DNAJB6: variants seen among roughly 807,000 people sequenced by gnomAD.
DNAJB6 encodes the protein dnaJ homolog subfamily B member 6.
In DNAJB6, 16 loss-of-function variants were observed where a neutral mutation model predicts 42.7. The observed-to-expected ratio is 0.37, with a 90% CI of 0.25 to 0.57. The LOEUF is 0.57. DNAJB6 is among the 20% of genes least tolerant of loss of function. DNAJB6 has a pLI of 0.74. For synonymous variants in DNAJB6, 170 were observed against 163.5 expected (o/e 1.04, Z -0.30); for missense variants, 347 against 416.8 (o/e 0.83, Z 1.46).
chr7:157,402,624 G>A (rs1320949735), intron 8 of DNAJB6, among the ~76,000 whole-genome samples: 1 of 152,260 alleles, frequency 6.6e-6, no homozygotes, highest in Non-Finnish European at 1.5e-5. Context: ...GGTCCCAGGG[G>A]AGGGCTGTGG....
intron 8 of DNAJB6, among the ~76,000 whole-genome samples, chr7:157,391,418 C>T (rs928624590): frequency 1.3e-5 from 2 of 152,230 alleles, no homozygotes; most frequent in African/African-American, 2.4e-5. Context: ...TCTTTTCAGC[C>T]GTATCTTTCC....
At chr7:157,341,461 T>C (rs1487813849) in intron 1 of DNAJB6, among the ~76,000 whole-genome samples, 1 of 152,166 alleles carries the variant, frequency 6.6e-6, no homozygotes, top group African/African-American at 2.4e-5. Flanking sequence ...CAAAATTACG[T>C]GTCTTTGGAA....
intron 6 of DNAJB6, among the ~76,000 whole-genome samples, chr7:157,383,027 A>T (rs1237493601): frequency 6.6e-6 from 1 of 152,186 alleles, no homozygotes; most frequent in Admixed American, 6.5e-5. Flanking sequence ...AAATTTAAAA[A>T]GAGTCTCACT....
At chr7:157,386,343 A>G (rs1201887206) in intron 8 of DNAJB6, 3 of 983,274 alleles carry the variant, frequency 3.1e-6, no homozygotes, top group East Asian at 1.1e-4. Flanking sequence ...GTGTCTGTGT[A>G]TGATTTGTGC....
At chr7:157,343,939 A>G (rs1798550597) in intron 1 of DNAJB6, among the ~76,000 whole-genome samples, 1 of 152,168 alleles carries the variant, frequency 6.6e-6, no homozygotes, top group Non-Finnish European at 1.5e-5. Context: ...GAGTTTTCCT[A>G]AGAAATATTT....
At chr7:157,405,766 G>A (rs994647894) in intron 8 of DNAJB6, among the ~76,000 whole-genome samples, 1 of 152,220 alleles carries the variant, frequency 6.6e-6, no homozygotes, top group African/African-American at 2.4e-5. Context: ...GCCTGGGAGG[G>A]ACCGGGAGGC....
At chr7:157,399,948 C>T (rs543308527) in intron 8 of DNAJB6, among the ~76,000 whole-genome samples, 14 of 152,132 alleles carry the variant, frequency 9.2e-5, no homozygotes, top group Non-Finnish European at 1.9e-4. Context: ...GGATGACAGA[C>T]GTGAGCCGCC....
intron 6 of DNAJB6, among the ~76,000 whole-genome samples, chr7:157,383,691 AC>A (rs768237866): frequency 3.3e-5 from 5 of 152,148 alleles, no homozygotes; most frequent in Admixed American, 6.5e-5. Context: ...ACAAAGTATC[AC>A]AAGAATAAAT....
In DNAJB6 at chr7:157,382,291, G is replaced by T. The variant is rs777224069; in HGVS notation, c.392G>T (p.Gly131Val). Residue 131 changes from glycine to valine, a missense_variant, in exon 6 of 10, where the codon GGA becomes GTA. By Grantham distance (109) the Gly-to-Val change is moderately radical. This residue lies in a region of DNAJB6 where 264 missense variants were observed against 288.0 expected (regional missense o/e 0.92). Transcript: ENST00000262177. ...TTTGGGAATCGAAGGGGTCCCCGAG[G>T]AAGCAGAAGCCGAGGGACGGGGTCG... ...DFFGNRRGPR[G>V]SRSRGTGSFF... The T allele has an allele frequency of 2.5e-6, 4 of 1,612,042 alleles. No homozygotes were observed. Among genetic ancestry groups the T allele is most frequent in the Non-Finnish European group, 3.4e-6 (4 of 1,179,580 alleles).
intron 9 of DNAJB6, among the ~76,000 whole-genome samples, chr7:157,415,726 A>G (rs1469844374): frequency 6.6e-6 from 1 of 151,370 alleles, no homozygotes; most frequent in African/African-American, 2.4e-5. Context: ...GCCGCTGGGC[A>G]GAACTGGGGT....
At chr7:157,345,547 G>T (rs938422762) in intron 1 of DNAJB6, among the ~76,000 whole-genome samples, 1 of 152,026 alleles carries the variant, frequency 6.6e-6, no homozygotes, top group Non-Finnish European at 1.5e-5. Context: ...AAGCTCTTGG[G>T]CTCAAGTGAT....
At chr7:157,415,111 T>G (rs940221864) in intron 9 of DNAJB6, 1 of 152,262 alleles carries the variant, frequency 6.6e-6, no homozygotes, top group African/African-American at 2.4e-5. Flanking sequence ...CCTGTGCGTG[T>G]GGGACCCAGG....
intron 5 of DNAJB6, among the ~76,000 whole-genome samples, chr7:157,371,234 A>G (rs1358124783): frequency 6.6e-6 from 1 of 152,250 alleles, no homozygotes; most frequent in Non-Finnish European, 1.5e-5. Flanking sequence ...AAGGTTGGGG[A>G]CCGCTGTTGA....
chr7:157,383,006 G>A (rs920592420), intron 6 of DNAJB6, among the ~76,000 whole-genome samples: 1 of 151,428 alleles, frequency 6.6e-6, no homozygotes, highest in Non-Finnish European at 1.5e-5. Context: ...TTTTTGTTGT[G>A]TTTTGTTTTT....
At chr7:157,404,907 G>A (rs770246534) in intron 8 of DNAJB6, among the ~76,000 whole-genome samples, 2 of 152,204 alleles carry the variant, frequency 1.3e-5, no homozygotes, top group Non-Finnish European at 2.9e-5. Context: ...CCAAAGTGCT[G>A]GGATGACAGG....
At chr7:157,390,609 G>C (rs1801294138) in intron 8 of DNAJB6, among the ~76,000 whole-genome samples, 1 of 152,132 alleles carries the variant, frequency 6.6e-6, no homozygotes, top group South Asian at 2.1e-4. Flanking sequence ...ATGTGGGGTG[G>C]AGCCTCCTTC....
chr7:157,400,149 G>T (rs1043764911), intron 8 of DNAJB6, among the ~76,000 whole-genome samples: 2 of 152,200 alleles, frequency 1.3e-5, no homozygotes, highest in African/African-American at 4.8e-5. Flanking sequence ...CCTTTTTTCG[G>T]TTTCTTTGTG....
intron 9 of DNAJB6, 60 bp downstream of exon 9, chr7:157,410,061 G>A: frequency 6.8e-7 from 1 of 1,471,818 alleles, no homozygotes. Context: ...GGGTGCCAGA[G>A]GACAGCGAGG....
At chr7:157,345,827 T>A (rs952792177) in intron 1 of DNAJB6, among the ~76,000 whole-genome samples, 1 of 152,200 alleles carries the variant, frequency 6.6e-6, no homozygotes, top group African/African-American at 2.4e-5. Flanking sequence ...TGGACACCTA[T>A]GCTTGTAGAG....
Sources: gnomAD v4.1 joint callset for allele counts (sites outside exome capture counted in the v4.1 genomes callset) on GRCh38, gnomAD v4.1.1 for gene constraint, gnomAD v4.1.1 regional missense constraint, MANE v1.5 for transcripts, NCBI Gene and HGNC (gene_info 2026-07-23, HGNC 2026-07-21) for gene names.